NTN4: variants seen among roughly 807,000 people sequenced by gnomAD.
The protein encoded by NTN4 is netrin 4, also known as netrin-4.
A neutral mutation model predicts 73.6 loss-of-function variants in NTN4; 32 were observed. That is an observed-to-expected ratio of 0.44 (90% CI 0.33 to 0.58). The LOEUF (loss-of-function observed/expected upper bound fraction) is 0.58. NTN4 is among the 20% of genes least tolerant of loss of function. The pLI is 0.04. For missense variants in NTN4, 654 were observed against 798.3 expected, an observed-to-expected ratio of 0.82 and a Z score of 2.18; for synonymous variants, 258 against 287.5, an observed-to-expected ratio of 0.90 and a Z score of 1.04.
chr12:95,708,940 C>G (rs535228755), intron 5 of NTN4, among the ~76,000 whole-genome samples: 15 of 152,210 alleles, frequency 9.9e-5, no homozygotes, highest in African/African-American at 3.6e-4. Context: ...ATTACAAAGT[C>G]TGAGTACAAA....
rs141145654 is a variant in NTN4 at position 95,725,732 on chromosome 12, A to T, written c.864+12134T>A. Among the ~76,000 whole-genome samples, 979 of 152,276 alleles carry T rather than the reference A, an allele frequency of 6.4e-3. 6 individuals are homozygous for T. The highest frequency in any genetic ancestry group is 9.1e-3 in the Non-Finnish European group (620 of 68,004). On this transcript the variant is annotated intron_variant, in intron 3 of 9. Coordinates refer to ENST00000343702, the MANE Select transcript of NTN4 (RefSeq NM_021229.4). ...AATTCATTCAGATGCTTCTTTTCAT[A>T]TCGGGAAATTGTTTGTTTCTAGGTG...
intron 9 of NTN4, 102 bp downstream of exon 9, chr12:95,665,708 G>A: frequency 1.2e-6 from 1 of 866,886 alleles, no homozygotes; most frequent in Non-Finnish European, 1.8e-6. Context: ...AGGGAGAGAT[G>A]TTCTTGCTGA....
intron 9 of NTN4, among the ~76,000 whole-genome samples, chr12:95,659,739 G>A (rs1221073709): frequency 6.6e-6 from 1 of 152,190 alleles, no homozygotes; most frequent in East Asian, 1.9e-4. Context: ...AACCCTGTGA[G>A]GTAGATAATT....
At position 95,789,515 on chromosome 12, in the gene NTN4, G is replaced by A. The variant is rs1308181510; in HGVS notation, c.55+740C>T. The stretch of plus-strand genomic sequence containing the variant: ...AGAAACCACGAGCCAGGAGCCGGTG[G>A]CCTAGGGCAGCCCAAGAAAGCCAGG... On this transcript the variant is annotated intron_variant, in intron 1 of 9. Transcript: ENST00000343702. The surrounding 1 kb of genome is among the most constrained non-coding windows in gnomAD (Gnocchi z 4.0). 6.6e-6 allele frequency among the ~76,000 whole-genome samples: 1 copy of A among 152,170 alleles called. No homozygotes were observed. Among genetic ancestry groups the A allele is most frequent in the African/African-American group, 2.4e-5 (1 of 41,444 alleles).
chr12:95,666,036 A>G (rs1266238220), intron 8 of NTN4, 56 bp from the exon 9 acceptor site: 20 of 1,282,820 alleles, frequency 1.6e-5, no homozygotes, highest in Non-Finnish European at 2.0e-5. Flanking sequence ...TGAAGTTTGA[A>G]TAACACTCAA....
At chr12:95,668,573 A>T (rs2078201061) in intron 8 of NTN4, among the ~76,000 whole-genome samples, 1 of 152,242 alleles carries the variant, frequency 6.6e-6, no homozygotes, top group South Asian at 2.1e-4. Flanking sequence ...TTTACTTTTT[A>T]AAATCTTGTA....
intron 2 of NTN4, among the ~76,000 whole-genome samples, chr12:95,746,390 C>A (rs1011562140): frequency 6.6e-6 from 1 of 152,018 alleles, no homozygotes; most frequent in Non-Finnish European, 1.5e-5. Flanking sequence ...AACTAGACCC[C>A]CCCCTCCCCT....
intron 1 of NTN4, among the ~76,000 whole-genome samples, 194 bp from the exon 2 acceptor site, chr12:95,787,662 ATGCGTGTGTGTG>A (rs1213107600): frequency 1.3e-5 from 2 of 152,180 alleles, no homozygotes; most frequent in African/African-American, 4.8e-5. Context: ...GCATTCGTGT[ATGCGTGTGTGTG>A]TGCGTGTGTG....
Position 95,787,526 on chromosome 12 carries a change from C to T in NTN4, c.56-58G>A, listed in dbSNP as rs1264916752. ...AAACCCATCTGGAAAGCTCTTTTGG[C>T]CACCTAGTCCATCAACAACAGTCAA... is the stretch of plus-strand genomic sequence containing the variant. On this transcript the variant is annotated intron_variant, in intron 1 of 9. Transcript: ENST00000343702. 5 of 1,530,144 alleles carry T rather than the reference C, an allele frequency of 3.3e-6. No individual in the cohort carries two copies. In the East Asian group the frequency reaches 9.0e-5, roughly 28 times the overall value. 94.8% of individuals were successfully genotyped at this position (1,530,144 alleles called of 1,614,324 possible). A position where few individuals can be genotyped will look rare whatever the true frequency, so the allele number is the denominator to read the frequency against.
chr12:95,690,592 G>A (rs2078394804), intron 5 of NTN4, among the ~76,000 whole-genome samples: 1 of 151,630 alleles, frequency 6.6e-6, no homozygotes, highest in Non-Finnish European at 1.5e-5. Context: ...TTTATGGTTT[G>A]TTTCTAATTA....
At position 95,706,284 on chromosome 12, in the gene NTN4, A is replaced by G. The variant is rs934356056; in HGVS notation, c.1180+4157T>C. The stretch of plus-strand genomic sequence containing the variant: ...ATGAGCCATATCTTGAACATAGAAC[A>G]GTAACAAAAAAAACTAAAACAAAAT... On this transcript the variant is annotated intron_variant, in intron 5 of 9. Coordinates refer to ENST00000343702, the MANE Select transcript of NTN4 (RefSeq NM_021229.4). Among the ~76,000 whole-genome samples, 205 of 51,108 alleles carry G rather than the reference A, an allele frequency of 4.0e-3. 3 individuals carry two copies. Among genetic ancestry groups the G allele is most frequent in the Non-Finnish European group, 7.2e-3 (167 of 23,056 alleles). The allele number at this position is 51,108 out of a possible 152,430, so 33.5% of individuals were successfully genotyped here.
rs779152943 is a variant in NTN4, at chr12:95,787,330, C to A, written c.194G>T (p.Ser65Ile). 25 of 1,614,114 alleles carry A rather than the reference C, an allele frequency of 1.5e-5. No homozygotes were observed. In the Admixed American group the frequency reaches 4.2e-4, roughly 27 times the overall value. Residue 65 changes from serine to isoleucine, a missense_variant, in exon 2 of 10, where the codon AGT becomes ATT. Coordinates refer to ENST00000343702, the MANE Select transcript of NTN4 (RefSeq NM_021229.4). ...CCGACAAGTCAGATCCGTGTTCTCA[C>A]TGTAGAAGCAGTACAGTTCGGTAGC... ...QNATELYCFYSENTDLTCRQP... is the reference protein window; with the variant it reads ...QNATELYCFYIENTDLTCRQP...
intron 9 of NTN4, among the ~76,000 whole-genome samples, chr12:95,659,854 T>C (rs928423349): frequency 2.0e-5 from 3 of 152,160 alleles, no homozygotes; most frequent in South Asian, 2.1e-4. Flanking sequence ...CAAACTCAGG[T>C]CATGCTGAGT....
At chr12:95,784,729 T>C (rs1261875756) in intron 2 of NTN4, among the ~76,000 whole-genome samples, 1 of 151,948 alleles carries the variant, frequency 6.6e-6, no homozygotes, top group African/African-American at 2.4e-5. Context: ...ATTGTGCCAC[T>C]GCACTCCAGC....
At chr12:95,784,002 C>CAT (rs2079149825) in intron 2 of NTN4, among the ~76,000 whole-genome samples, 1 of 152,082 alleles carries the variant, frequency 6.6e-6, no homozygotes, top group Non-Finnish European at 1.5e-5. Flanking sequence ...TTGAGTCTGG[C>CAT]ATATATTTAT....
intron 5 of NTN4, among the ~76,000 whole-genome samples, chr12:95,693,426 T>C (rs1014449039): frequency 1.3e-5 from 2 of 151,706 alleles, no homozygotes; most frequent in African/African-American, 4.8e-5. Flanking sequence ...TTCCTTTCCT[T>C]GGACAAAAAA....
chr12:95,677,854 C>A (rs1449325161), intron 7 of NTN4, among the ~76,000 whole-genome samples: 3 of 152,166 alleles, frequency 2.0e-5, no homozygotes, highest in African/African-American at 7.2e-5. Context: ...CCAAAGGATT[C>A]TAAATCATTC....
At chr12:95,753,427 C>G (rs1043689592) in intron 2 of NTN4, among the ~76,000 whole-genome samples, 15 of 146,792 alleles carry the variant, frequency 1.0e-4, no homozygotes, top group Admixed American at 2.7e-4. Flanking sequence ...TAAAATACCT[C>G]TTAGTCTAAA....
rs558571661 is a variant in NTN4, at chr12:95,715,971, C to T, written c.865-2633G>A. ...AAATGACTGTGTAGGAAAAATCTTC[C>T]GAGGCTGAAGAATTTAGTAAGATGA... is the stretch of plus-strand genomic sequence containing the variant. On this transcript the variant is annotated intron_variant, in intron 3 of 9. Transcript: ENST00000343702. 1.3e-4 allele frequency among the ~76,000 whole-genome samples: 19 copies of T among 151,564 alleles called. 1 individual carries two copies. Among genetic ancestry groups the T allele is most frequent in the Admixed American group, 8.5e-4 (13 of 15,238 alleles).
Sources: gnomAD v4.1 joint callset for allele counts (sites outside exome capture counted in the v4.1 genomes callset) on GRCh38, gnomAD v4.1.1 for gene constraint, Gnocchi (gnomAD v3.1) non-coding constraint, MANE v1.5 for transcripts, NCBI Gene and HGNC (gene_info 2026-07-23, HGNC 2026-07-21) for gene names.